The following KCTD8 variants were observed in gnomAD, a reference collection of about 807,000 sequenced individuals.
The protein encoded by KCTD8 is potassium channel tetramerization domain containing 8.
KCTD8 carries 27 observed loss-of-function variants against 31.5 expected under a neutral mutation model. The observed-to-expected ratio is 0.86, with a 90% CI of 0.63 to 1.18. The LOEUF is 1.18. Among genes scored for constraint, KCTD8 ranks in the 50% most tolerant of loss-of-function variants. KCTD8 has a pLI of 0.00. For synonymous variants in KCTD8, 290 were observed against 280.0 expected (o/e 1.04, Z -0.36); for missense variants, 658 against 647.7 (o/e 1.02, Z -0.17).
intron 1 of KCTD8, among the ~76,000 whole-genome samples, chr4:44,409,343 G>A (rs1476113669): frequency 6.6e-6 from 1 of 152,016 alleles, no homozygotes; most frequent in Admixed American, 6.6e-5. Flanking sequence ...AAGACCCTAG[G>A]AAAAATCTGT....
chr4:44,283,747 T>C (rs1481364501), intron 1 of KCTD8, among the ~76,000 whole-genome samples: 1 of 152,226 alleles, frequency 6.6e-6, no homozygotes, highest in Middle Eastern at 3.4e-3. Context: ...CAGCCCAAAA[T>C]CTCCTTAAGC....
intron 1 of KCTD8, among the ~76,000 whole-genome samples, chr4:44,297,866 A>G (rs1043770806): frequency 3.3e-5 from 5 of 152,284 alleles, no homozygotes; most frequent in African/African-American, 9.6e-5. Flanking sequence ...GCCAAAATCT[A>G]TGGTTCTCCA....
At chr4:44,431,910 G>A (rs1409371752) in intron 1 of KCTD8, among the ~76,000 whole-genome samples, 1 of 151,502 alleles carries the variant, frequency 6.6e-6, no homozygotes, top group Non-Finnish European at 1.5e-5. Context: ...TTGAACATCT[G>A]TAATCTCTGG....
intron 1 of KCTD8, among the ~76,000 whole-genome samples, chr4:44,231,015 C>A (rs896292203): frequency 6.6e-6 from 1 of 152,096 alleles, no homozygotes; most frequent in Non-Finnish European, 1.5e-5. Context: ...AAATTTGGTC[C>A]TAAATTCTAT....
intron 1 of KCTD8, among the ~76,000 whole-genome samples, chr4:44,305,265 G>T (rs1717767130): frequency 1.3e-5 from 2 of 151,030 alleles, no homozygotes; most frequent in Non-Finnish European, 3.0e-5. Context: ...AAATATAAAA[G>T]TAATTATAAA....
intron 1 of KCTD8, among the ~76,000 whole-genome samples, chr4:44,444,823 CAAGTGTGT>C (rs1490119388): frequency 2.0e-5 from 3 of 149,340 alleles, no homozygotes; most frequent in Non-Finnish European, 4.5e-5. Context: ...CATTGATGCT[CAAGTGTGT>C]AAACTACAAC....
intron 1 of KCTD8, among the ~76,000 whole-genome samples, chr4:44,298,114 T>G (rs1717491476): frequency 6.6e-6 from 1 of 152,116 alleles, no homozygotes; most frequent in Non-Finnish European, 1.5e-5. Flanking sequence ...GAATGATAAT[T>G]GTAATGAAAA....
intron 1 of KCTD8, among the ~76,000 whole-genome samples, chr4:44,207,865 G>GC (rs1714362323): frequency 6.6e-6 from 1 of 152,166 alleles, no homozygotes; most frequent in Admixed American, 6.6e-5. Flanking sequence ...CTTTGCCTGA[G>GC]CAGTTTCATT....
chr4:44,178,066 A>C (rs1354190855), intron 1 of KCTD8, among the ~76,000 whole-genome samples: 1 of 152,170 alleles, frequency 6.6e-6, no homozygotes, highest in Non-Finnish European at 1.5e-5. Context: ...GGTCCTACTG[A>C]CTTGGATTAA....
At chr4:44,272,121 T>TATATATATATATATATATATA (rs1716629513) in intron 1 of KCTD8, among the ~76,000 whole-genome samples, 7 of 142,526 alleles carry the variant, frequency 4.9e-5, no homozygotes, top group African/African-American at 1.9e-4. Flanking sequence ...TGGTATTATA[T>TATATATATATATATATATATA]TATATATATA....
At chr4:44,193,129 A>C (rs1713815771) in intron 1 of KCTD8, among the ~76,000 whole-genome samples, 1 of 152,228 alleles carries the variant, frequency 6.6e-6, no homozygotes, top group Admixed American at 6.5e-5. Context: ...TGAGATAAAC[A>C]AACCTAGTAA....
At chr4:44,321,530 A>G (rs760359406) in intron 1 of KCTD8, among the ~76,000 whole-genome samples, 20 of 152,182 alleles carry the variant, frequency 1.3e-4, no homozygotes, top group Non-Finnish European at 2.2e-4. Flanking sequence ...ACTTTGATAC[A>G]TGTATACAAT....
intron 1 of KCTD8, among the ~76,000 whole-genome samples, chr4:44,383,707 T>A (rs147734152): frequency 6.6e-6 from 1 of 151,868 alleles, no homozygotes; most frequent in Non-Finnish European, 1.5e-5. Context: ...ACCTGAACTA[T>A]GAAACTACTG....
At chr4:44,265,429 C>A (rs1005980203) in intron 1 of KCTD8, among the ~76,000 whole-genome samples, 1 of 151,986 alleles carries the variant, frequency 6.6e-6, no homozygotes, top group African/African-American at 2.4e-5. Flanking sequence ...TAGATAAAAC[C>A]ACAAAGATGG....
At chr4:44,208,820 A>G (rs764140569) in intron 1 of KCTD8, among the ~76,000 whole-genome samples, 17 of 152,278 alleles carry the variant, frequency 1.1e-4, no homozygotes, top group Admixed American at 1.3e-4. Flanking sequence ...AAAACTAGAG[A>G]GGATATGTTT....
intron 1 of KCTD8, among the ~76,000 whole-genome samples, chr4:44,300,944 T>C (rs1423681527): frequency 1.3e-4 from 18 of 142,468 alleles, no homozygotes; most frequent in Non-Finnish European, 2.0e-4. Context: ...TCAATTCCCA[T>C]CTATGAGTGA....
Position 44,448,535 on chromosome 4 carries a change from C to T in KCTD8, c.-12G>A, listed in dbSNP as rs1722020037. On this transcript the variant is annotated 5_prime_UTR_variant, in exon 1 of 2. Transcript: ENST00000360029. The surrounding 1 kb of genome is among the most constrained non-coding windows in gnomAD (Gnocchi z 4.1). ...TCCTTCAGAGCCATAGTCCCCCCGC[C>T]GCCGGCCCAGTGACCCGAGAGAGCT... 12 of 1,450,516 alleles carry T rather than the reference C, an allele frequency of 8.3e-6. No individual in the cohort carries two copies. The highest frequency in any genetic ancestry group is 9.9e-6 in the Non-Finnish European group (11 of 1,105,916). The allele number at this position is 1,450,516 out of a possible 1,614,324, so 89.9% of individuals were successfully genotyped here. A position where few individuals can be genotyped will look rare whatever the true frequency, so the allele number is the denominator to read the frequency against.
In KCTD8 at chr4:44,393,937, T is replaced by C. The variant is rs6853396; in HGVS notation, c.961+53626A>G. 8.0e-3 allele frequency among the ~76,000 whole-genome samples: 1,219 copies of C among 152,036 alleles called. 20 individuals are homozygous for C. The highest frequency in any genetic ancestry group is 0.028 in the African/African-American group (1,180 of 41,530). On this transcript the variant is annotated intron_variant, in intron 1 of 1. Coordinates refer to ENST00000360029, the MANE Select transcript of KCTD8 (RefSeq NM_198353.3). ...GTATTTAGTATGCCTATACGGTGTATATTTACAGCTCTCTGATTACTTCAA... is the reference window on the plus strand; with the variant it reads ...GTATTTAGTATGCCTATACGGTGTACATTTACAGCTCTCTGATTACTTCAA...
intron 1 of KCTD8, among the ~76,000 whole-genome samples, chr4:44,432,879 T>C (rs1168006584): frequency 6.6e-6 from 1 of 151,766 alleles, no homozygotes. Context: ...AGCATTTGTA[T>C]TGTTAAGTAC....
Sources: allele counts gnomAD v4.1 joint callset (sites outside exome capture counted in the v4.1 genomes callset), GRCh38; gene constraint gnomAD v4.1.1; non-coding constraint Gnocchi (gnomAD v3.1); transcripts MANE v1.5; gene names NCBI Gene and HGNC (gene_info 2026-07-23, HGNC 2026-07-21).